The following ADK variants were observed in gnomAD, a reference collection of about 807,000 sequenced individuals.
The protein encoded by ADK is adenosine kinase, also known as N6,N6-dimethyladenosine kinase.
Under a neutral mutation model 44.7 loss-of-function variants are expected in ADK, and 24 were observed. That is an observed-to-expected ratio of 0.54 (90% CI 0.39 to 0.76). ADK has a LOEUF of 0.76. ADK is among the 30% of genes least tolerant of loss of function. The pLI is 0.00. For synonymous variants in ADK, 128 were observed against 142.6 expected (o/e 0.90, Z 0.73); for missense variants, 321 against 425.1 (o/e 0.76, Z 2.15).
chr10:74,397,155 TAA>T (rs1843546992), intron 5 of ADK, among the ~76,000 whole-genome samples: 1 of 152,082 alleles, frequency 6.6e-6, no homozygotes, highest in Non-Finnish European at 1.5e-5. Flanking sequence ...TAAATTTTCT[TAA>T]GTTTGTAATA....
intron 6 of ADK, among the ~76,000 whole-genome samples, chr10:74,495,159 C>A (rs78557380): frequency 1.3e-5 from 2 of 152,046 alleles, no homozygotes; most frequent in East Asian, 1.9e-4. Context: ...TGATGTAGAT[C>A]TCTTCATTAA....
chr10:74,527,234 G>A (rs771730759), intron 7 of ADK, among the ~76,000 whole-genome samples: 1 of 152,132 alleles, frequency 6.6e-6, no homozygotes, highest in Non-Finnish European at 1.5e-5. Context: ...GGTGGCGAGT[G>A]CCTGTAGTCC....
chr10:74,528,465 TA>T (rs542288544), intron 7 of ADK, among the ~76,000 whole-genome samples: 2,564 of 131,208 alleles, frequency 0.02, 15 homozygotes, highest in Non-Finnish European at 0.025. Flanking sequence ...AATCTTCACT[TA>T]AAAAAAAAAA....
intron 3 of ADK, among the ~76,000 whole-genome samples, chr10:74,236,801 A>G (rs1432387086): frequency 2.0e-5 from 3 of 152,268 alleles, no homozygotes; most frequent in Admixed American, 6.5e-5. Context: ...ATTGTATACA[A>G]TAACATTGTG....
chr10:74,355,779 T>G (rs1842116657), intron 4 of ADK, among the ~76,000 whole-genome samples: 1 of 152,152 alleles, frequency 6.6e-6, no homozygotes, highest in South Asian at 2.1e-4. Flanking sequence ...ATATAAAGAC[T>G]TAGGTTTCCT....
At chr10:74,178,194 A>T (rs1266826162) in intron 1 of ADK, among the ~76,000 whole-genome samples, 3 of 152,050 alleles carry the variant, frequency 2.0e-5, no homozygotes. Context: ...CACCTGCCTT[A>T]GCCTCCCAAA....
chr10:74,516,556 C>A (rs1848589582), intron 6 of ADK, among the ~76,000 whole-genome samples: 1 of 150,864 alleles, frequency 6.6e-6, no homozygotes, highest in South Asian at 2.1e-4. Flanking sequence ...TGGAGTCGCG[C>A]CCTGTTGCCC....
intron 7 of ADK, among the ~76,000 whole-genome samples, chr10:74,531,079 G>C (rs1849275411): frequency 6.6e-6 from 1 of 152,178 alleles, no homozygotes; most frequent in Non-Finnish European, 1.5e-5. Context: ...GACATTTGCA[G>C]AATCCCAACA....
At chr10:74,435,444 A>C (rs916207132) in intron 6 of ADK, among the ~76,000 whole-genome samples, 1 of 152,196 alleles carries the variant, frequency 6.6e-6, no homozygotes, top group African/African-American at 2.4e-5. Context: ...GTAAATGGGG[A>C]GATATTTTCA....
intron 7 of ADK, among the ~76,000 whole-genome samples, chr10:74,543,927 C>G (rs1231511894): frequency 6.6e-6 from 1 of 151,618 alleles, no homozygotes; most frequent in African/African-American, 2.4e-5. Context: ...ATTATACACT[C>G]TTTAGTTTCA....
intron 4 of ADK, among the ~76,000 whole-genome samples, chr10:74,343,532 A>G (rs1457124577): frequency 1.3e-5 from 2 of 152,184 alleles, no homozygotes; most frequent in Non-Finnish European, 2.9e-5. Context: ...GGAAGAAAAT[A>G]CTGGTGTAAG....
intron 6 of ADK, among the ~76,000 whole-genome samples, chr10:74,438,345 C>G (rs1338798338): frequency 6.6e-6 from 1 of 151,996 alleles, no homozygotes; most frequent in African/African-American, 2.4e-5. Flanking sequence ...CTGCCTCAGC[C>G]TCCCAAGTAG....
intron 10 of ADK, among the ~76,000 whole-genome samples, chr10:74,697,016 A>T (rs1856233541): frequency 6.6e-6 from 1 of 152,164 alleles, no homozygotes; most frequent in Admixed American, 6.5e-5. Context: ...TACTACCTAG[A>T]TGTATAATAA....
At chr10:74,295,330 C>A (rs1026500116) in intron 3 of ADK, among the ~76,000 whole-genome samples, 3 of 147,702 alleles carry the variant, frequency 2.0e-5, no homozygotes, top group Non-Finnish European at 3.0e-5. Flanking sequence ...GGCATGGTGG[C>A]ACGTGCTTGT....
chr10:74,702,226 T>C (rs2131786922), intron 10 of ADK, among the ~76,000 whole-genome samples: 1 of 150,952 alleles, frequency 6.6e-6, no homozygotes, highest in African/African-American at 2.4e-5. Context: ...CTCTGTCGCC[T>C]CGGCTGGAGT....
chr10:74,275,161 A>C (rs1846624436), intron 3 of ADK, among the ~76,000 whole-genome samples: 1 of 152,098 alleles, frequency 6.6e-6, no homozygotes, highest in African/African-American at 2.4e-5. Flanking sequence ...AGTAATGATC[A>C]TGACTTCCAG....
Position 74,224,602 on chromosome 10 carries a change from T to G in ADK, c.194+11T>G, listed in dbSNP as rs770072715. On this transcript the variant is annotated intron_variant, in intron 3 of 10. Coordinates refer to ENST00000539909, the MANE Select transcript of ADK (RefSeq NM_006721.4). ...CAAACACAAGGAACTGTAAGTGCAT[T>G]AAACCATTGGTTGTAAATAGTTTAC... The G allele has an allele frequency of 6.2e-7, 1 of 1,610,722 alleles. No individual in the cohort carries two copies. Among genetic ancestry groups the G allele is most frequent in the Non-Finnish European group, 8.5e-7 (1 of 1,177,094 alleles).
chr10:74,305,607 T>C (rs1000835634), intron 3 of ADK, among the ~76,000 whole-genome samples: 5 of 152,220 alleles, frequency 3.3e-5, no homozygotes, highest in African/African-American at 1.2e-4. Flanking sequence ...TCTTCTCTTG[T>C]GTATGAGTGT....
chr10:74,350,301 T>G (rs935075591), intron 4 of ADK, among the ~76,000 whole-genome samples: 1 of 152,134 alleles, frequency 6.6e-6, no homozygotes, highest in Non-Finnish European at 1.5e-5. Context: ...TTCAACAACC[T>G]GCTCCTGAAT....
Sources: allele counts gnomAD v4.1 joint callset (sites outside exome capture counted in the v4.1 genomes callset), GRCh38; gene constraint gnomAD v4.1.1; transcripts MANE v1.5; gene names NCBI Gene and HGNC (gene_info 2026-07-23, HGNC 2026-07-21).